Variants in SLCO1B3 observed in about 807,000 individuals in gnomAD.
The protein encoded by SLCO1B3 is liver-specific organic anion transporter 2.
SLCO1B3 carries 72 observed loss-of-function variants against 71.8 expected under a neutral mutation model. The observed-to-expected ratio is 1.00, with a 90% CI of 0.83 to 1.22. The LOEUF (loss-of-function observed/expected upper bound fraction) is 1.22, where lower values mean the gene tolerates loss of function less well. Among genes scored for constraint, SLCO1B3 ranks in the 50% most tolerant of loss-of-function variants. The pLI, the probability that SLCO1B3 is intolerant of heterozygous loss-of-function variation, is 0.00. For synonymous variants in SLCO1B3, 298 were observed against 278.4 expected (o/e 1.07, Z -0.70); for missense variants, 911 against 819.7 (o/e 1.11, Z -1.36).
intron 2 of SLCO1B3, among the ~76,000 whole-genome samples, chr12:20,814,448 A>G (rs1345303397): frequency 6.6e-6 from 1 of 152,200 alleles, no homozygotes; most frequent in Non-Finnish European, 1.5e-5. Flanking sequence ...AGTTACATAT[A>G]TTATGAACAA....
At position 20,836,493 on chromosome 12, in the gene SLCO1B3, G is replaced by T. The variant is rs150499886; in HGVS notation, c.85-18535G>T. On this transcript the variant is annotated intron_variant, in intron 3 of 15. Coordinates refer to ENST00000381545, the MANE Select transcript of SLCO1B3 (RefSeq NM_019844.4). Reference sequence around the variant, plus strand: ...TAATATCTTGGATTTTAGTATCAGGGTAATGCTGGCCTCATGGAATAAGAT... The same window carrying T: ...TAATATCTTGGATTTTAGTATCAGGTTAATGCTGGCCTCATGGAATAAGAT... Among the ~76,000 whole-genome samples the T allele has an allele frequency of 1.6e-4, 25 of 152,166 alleles. 1 individual carries two copies. In the East Asian group the frequency reaches 4.3e-3, roughly 26 times the overall value.
At chr12:20,904,465 C>A (rs1337888441) in intron 15 of SLCO1B3, among the ~76,000 whole-genome samples, 1 of 152,056 alleles carries the variant, frequency 6.6e-6, no homozygotes, top group Non-Finnish European at 1.5e-5. Context: ...GTGCCCAAGG[C>A]TTTGGGCAGC....
intron 3 of SLCO1B3, among the ~76,000 whole-genome samples, chr12:20,832,762 C>T (rs921582870): frequency 6.6e-6 from 1 of 152,106 alleles, no homozygotes; most frequent in Non-Finnish European, 1.5e-5. Flanking sequence ...TCATGTCATT[C>T]AGATCTCTGT....
chr12:20,845,749 G>A (rs1000839725), intron 3 of SLCO1B3, among the ~76,000 whole-genome samples: 7 of 152,138 alleles, frequency 4.6e-5, no homozygotes, highest in Non-Finnish European at 8.8e-5. Flanking sequence ...GTTCTAGAGT[G>A]TAGTTTAAGT....
chr12:20,910,859 A>G (rs1015857745), intron 15 of SLCO1B3, among the ~76,000 whole-genome samples: 1 of 151,958 alleles, frequency 6.6e-6, no homozygotes, highest in African/African-American at 2.4e-5. Flanking sequence ...GTTTTTGTCT[A>G]TTATTTGAGA....
At chr12:20,822,586 G>C (rs996409326) in intron 3 of SLCO1B3, among the ~76,000 whole-genome samples, 1 of 152,148 alleles carries the variant, frequency 6.6e-6, no homozygotes, top group African/African-American at 2.4e-5. Flanking sequence ...ACAGGGGATG[G>C]GATGGCTTGG....
intron 15 of SLCO1B3, 67 bp downstream of exon 15, chr12:20,901,534 G>A (rs927732242): frequency 1.3e-6 from 1 of 782,426 alleles, no homozygotes; most frequent in Non-Finnish European, 2.1e-6. Flanking sequence ...CTAAGATATA[G>A]CATTTTTAGT....
chr12:20,824,482 A>T (rs939196297), intron 3 of SLCO1B3, among the ~76,000 whole-genome samples: 2 of 152,212 alleles, frequency 1.3e-5, no homozygotes, highest in Non-Finnish European at 2.9e-5. Flanking sequence ...AAAGGATTAA[A>T]GTAAAACAAC....
chr12:20,866,443 G>C lies in SLCO1B3; in HGVS notation c.727+3589G>C, dbSNP rs987780457. Among the ~76,000 whole-genome samples the C allele has an allele frequency of 3.0e-5, 4 of 131,508 alleles. No individual in the cohort carries two copies. In the East Asian group the frequency reaches 9.1e-4, roughly 30 times the overall value. 86.3% of individuals were successfully genotyped at this position (131,508 alleles called of 152,430 possible). On this transcript the variant is annotated intron_variant, in intron 8 of 15. Coordinates refer to ENST00000381545, the MANE Select transcript of SLCO1B3 (RefSeq NM_019844.4). ...TAGATGCAAGATTGCTATCAGAAAG[G>C]CATAACTGTAGACTCGAAACATGAT...
chr12:20,832,245 A>G lies in SLCO1B3; in HGVS notation c.84+16423A>G, dbSNP rs548331243. On this transcript the variant is annotated intron_variant, in intron 3 of 15. Coordinates refer to ENST00000381545, the MANE Select transcript of SLCO1B3 (RefSeq NM_019844.4). ...CTAATACACGTTGTTACTGAGTTGC[A>G]TATACAGACTCAGTGGATGGAAATG... 3.9e-5 allele frequency among the ~76,000 whole-genome samples: 6 copies of G among 152,306 alleles called. No individual in the cohort carries two copies. In the South Asian group the frequency reaches 6.2e-4, roughly 16 times the overall value.
intron 15 of SLCO1B3, chr12:20,902,440 A>G (rs1866148380): frequency 6.6e-6 from 1 of 152,306 alleles, no homozygotes; most frequent in African/African-American, 2.4e-5. Flanking sequence ...TCCTAATTGA[A>G]CTAATGCATG....
At chr12:20,813,234 TAGAG>T (rs1864137293) in intron 1 of SLCO1B3, among the ~76,000 whole-genome samples, 1 of 152,250 alleles carries the variant, frequency 6.6e-6, no homozygotes. Flanking sequence ...ATTTATAATA[TAGAG>T]AATCAATAAA....
At position 20,825,818 on chromosome 12, in the gene SLCO1B3, AAAG is replaced by A. The variant is rs1467270773; in HGVS notation, c.84+9999_84+10001del. ...TGTCTCAAAAAAAAAAAAAAAAAAG[AAAG>A]AAAGAAGAAAAACCATGAAAACTTA... On this transcript the variant is annotated intron_variant, in intron 3 of 15. Coordinates refer to ENST00000381545, the MANE Select transcript of SLCO1B3 (RefSeq NM_019844.4). Among the ~76,000 whole-genome samples, 954 of 145,932 alleles carry A rather than the reference AAAG, an allele frequency of 6.5e-3. 10 individuals carry two copies. Among genetic ancestry groups the A allele is most frequent in the African/African-American group, 0.023 (904 of 39,738 alleles).
At chr12:20,889,501 A>G (rs921112197) in intron 13 of SLCO1B3, among the ~76,000 whole-genome samples, 4 of 152,140 alleles carry the variant, frequency 2.6e-5, no homozygotes, top group African/African-American at 9.7e-5. Flanking sequence ...AGATGGTCAT[A>G]GTAGTCTCTG....
chr12:20,832,293 A>G (rs1864558352), intron 3 of SLCO1B3, among the ~76,000 whole-genome samples: 1 of 152,178 alleles, frequency 6.6e-6, no homozygotes, highest in African/African-American at 2.4e-5. Flanking sequence ...AGTAGATTAC[A>G]AACCCATTTA....
intron 3 of SLCO1B3, chr12:20,845,186 C>G: frequency 2.8e-6 from 1 of 362,676 alleles, no homozygotes; most frequent in Non-Finnish European, 5.6e-6. Flanking sequence ...ACAAGGTAGC[C>G]ACATGGGAGA....
chr12:20,869,897 G>A (rs955347377), intron 8 of SLCO1B3, among the ~76,000 whole-genome samples: 2 of 152,026 alleles, frequency 1.3e-5, no homozygotes, highest in African/African-American at 2.4e-5. Context: ...TTAATTTTTT[G>A]AGGAAACTTC....
chr12:20,858,654 G>A (rs1475183777), intron 5 of SLCO1B3, 83 bp downstream of exon 5: 31 of 1,305,190 alleles, frequency 2.4e-5, no homozygotes, highest in Non-Finnish European at 3.3e-5. Flanking sequence ...CTTGTAAGTG[G>A]GCAGTTACCT....
intron 3 of SLCO1B3, among the ~76,000 whole-genome samples, chr12:20,822,445 G>T (rs1040094122): frequency 3.9e-5 from 6 of 152,158 alleles, no homozygotes; most frequent in Admixed American, 3.9e-4. Context: ...CAAAGGGTTA[G>T]TCACTCAGTT....
Sources: allele counts gnomAD v4.1 joint callset (sites outside exome capture counted in the v4.1 genomes callset), GRCh38; gene constraint gnomAD v4.1.1; transcripts MANE v1.5; gene names NCBI Gene and HGNC (gene_info 2026-07-23, HGNC 2026-07-21).